ATP8A1: variants seen among roughly 807,000 people sequenced by gnomAD.
ATP8A1 encodes the protein phospholipid-transporting ATPase IA.
In ATP8A1, 90 loss-of-function variants were observed where a neutral mutation model predicts 177.7. The ratio of observed to expected loss-of-function variants is 0.51; its 90% confidence interval spans 0.43 to 0.60. The LOEUF (loss-of-function observed/expected upper bound fraction) is 0.60, where lower values mean the gene tolerates loss of function less well. Among genes scored for constraint, ATP8A1 ranks in the 20% least tolerant of loss-of-function variants. The pLI, the probability that ATP8A1 is intolerant of heterozygous loss-of-function variation, is 0.00. For synonymous variants in ATP8A1, 493 were observed against 485.9 expected (o/e 1.01, Z -0.19); for missense variants, 1,072 against 1,392.8 (o/e 0.77, Z 3.67).
At chr4:42,652,638 T>C (rs1182762144) in intron 1 of ATP8A1, among the ~76,000 whole-genome samples, 3 of 152,152 alleles carry the variant, frequency 2.0e-5, no homozygotes, top group South Asian at 2.1e-4. Flanking sequence ...TCCCCAAGTG[T>C]TGTGGAAGAG....
chr4:42,656,373 C>G (rs1741619144), intron 1 of ATP8A1, among the ~76,000 whole-genome samples: 1 of 152,190 alleles, frequency 6.6e-6, no homozygotes, highest in Non-Finnish European at 1.5e-5. Context: ...CCCCGCGCTT[C>G]GAGAGCCAAG....
At position 42,516,646 on chromosome 4, in the gene ATP8A1, A is replaced by T. The variant is rs527804560; in HGVS notation, c.1947+5514T>A. ...AATAAATATTAAACATTTTCAAAAA[A>T]TTATGTATTCCACGAAGGCACGCCT... On this transcript the variant is annotated intron_variant, in intron 22 of 36. Coordinates refer to ENST00000381668, the MANE Select transcript of ATP8A1 (RefSeq NM_006095.2). Among the ~76,000 whole-genome samples, 60 of 152,360 alleles carry T rather than the reference A, an allele frequency of 3.9e-4. 1 individual carries two copies. The highest frequency in any genetic ancestry group is 3.4e-3 in the Middle Eastern group (1 of 294).
intron 27 of ATP8A1, among the ~76,000 whole-genome samples, chr4:42,456,622 T>C (rs6849797): frequency 0.47 from 71,716 of 152,000 alleles, 19,189 homozygotes; most frequent in East Asian, 0.82. Flanking sequence ...TACGTTATTG[T>C]TTTTAAAAAG....
At chr4:42,581,860 T>A in intron 9 of ATP8A1, 128 bp from the exon 10 acceptor site, 1 of 671,750 alleles carries the variant, frequency 1.5e-6, no homozygotes, top group Non-Finnish European at 2.5e-6. Flanking sequence ...GGAAAGTAAT[T>A]TCCCCCCAGT....
chr4:42,542,578 T>C (rs372075243), intron 20 of ATP8A1, among the ~76,000 whole-genome samples: 1 of 152,196 alleles, frequency 6.6e-6, no homozygotes, highest in African/African-American at 2.4e-5. Context: ...TTTCTCCTAA[T>C]GCTATCCCTC....
Position 42,417,766 on chromosome 4 carries a change from G to A in ATP8A1, c.3306-3048C>T, listed in dbSNP as rs552134848. Among the ~76,000 whole-genome samples, 16 of 152,254 alleles carry A rather than the reference G, an allele frequency of 1.1e-4. No individual in the cohort carries two copies. The East Asian group carries it at 2.5e-3, about 24-fold the overall frequency. On this transcript the variant is annotated intron_variant, in intron 35 of 36. Coordinates refer to ENST00000381668, the MANE Select transcript of ATP8A1 (RefSeq NM_006095.2). ...ATTAAAATAAATCTCCAAAAAGTACGTAACTATCCATTCATGGAATGTTTA... is the reference window on the plus strand; with the variant it reads ...ATTAAAATAAATCTCCAAAAAGTACATAACTATCCATTCATGGAATGTTTA...
At chr4:42,624,680 A>C (rs769910127) in intron 3 of ATP8A1, 46 bp from the exon 4 acceptor site, 3 of 1,057,906 alleles carry the variant, frequency 2.8e-6, no homozygotes, top group Middle Eastern at 2.4e-4. Context: ...AGAACTAGAA[A>C]ATTTATAATA....
chr4:42,459,536 G>A, intron 27 of ATP8A1: 1 of 347,400 alleles, frequency 2.9e-6, no homozygotes, highest in Non-Finnish European at 5.7e-6. Context: ...CAGTGTTCTG[G>A]AATGAGAAGA....
At chr4:42,436,198 C>G (rs1055100205) in intron 33 of ATP8A1, among the ~76,000 whole-genome samples, 8 of 152,172 alleles carry the variant, frequency 5.3e-5, no homozygotes, top group Non-Finnish European at 1.2e-4. Context: ...ACCATGGCCT[C>G]TCTCTCGTTT....
Position 42,579,901 on chromosome 4 carries a change from G to A in ATP8A1, c.912C>T (p.Ile304=), listed in dbSNP as rs1477955709. ...TNVQILILFC[I]LIAMSLVCSV... ...AACAGACAAGAGACATGGCAATTAAGATACAAAATAAAATCAAAATTTGTA... is the reference window on the plus strand; with the variant it reads ...AACAGACAAGAGACATGGCAATTAAAATACAAAATAAAATCAAAATTTGTA... Residue 304 remains isoleucine (I), a synonymous_variant, in exon 11 of 37, where the codon ATC becomes ATT. Transcript: ENST00000381668. 5 of 1,613,370 alleles carry A rather than the reference G, an allele frequency of 3.1e-6. No homozygotes were observed. The African/African-American group carries it at 5.3e-5, about 17-fold the overall frequency.
chr4:42,610,770 G>C (rs1203651102), intron 5 of ATP8A1, among the ~76,000 whole-genome samples: 1 of 152,006 alleles, frequency 6.6e-6, no homozygotes, highest in Non-Finnish European at 1.5e-5. Context: ...AAATTACTTA[G>C]GCCATAAATA....
chr4:42,448,702 A>AGTAGTTTCTCAAAGTGGTAGAG (rs1466806762), intron 30 of ATP8A1, among the ~76,000 whole-genome samples: 6 of 150,282 alleles, frequency 4.0e-5, no homozygotes, highest in African/African-American at 9.8e-5. Context: ...CTGGCCAACA[A>AGTAGTTTCTCAAAGTGGTAGAG]GTAGTTTCTC....
At chr4:42,530,483 A>T (rs1424875877) in intron 20 of ATP8A1, among the ~76,000 whole-genome samples, 4 of 152,224 alleles carry the variant, frequency 2.6e-5, no homozygotes, top group African/African-American at 9.6e-5. Flanking sequence ...ACTGCCTCTG[A>T]CCAAGGCACT....
intron 22 of ATP8A1, among the ~76,000 whole-genome samples, chr4:42,508,972 G>C (rs1724721724): frequency 6.6e-6 from 1 of 152,194 alleles, no homozygotes. Context: ...ATACAAACAT[G>C]CAAGTGAGAG....
rs1026509306 is a variant in ATP8A1, at chr4:42,410,303, C to T, written c.*2613G>A. 1 of 152,060 alleles carries T rather than the reference C, an allele frequency of 6.6e-6. No homozygotes were observed. The highest frequency in any genetic ancestry group is 1.5e-5 in the Non-Finnish European group (1 of 68,000). 9.4% of individuals were successfully genotyped at this position (152,060 alleles called of 1,614,324 possible). ...TGAATGAGGATTTTCTATTATAAGT[C>T]GTATTGTCTGAATTGTAAACATTGT... On this transcript the variant is annotated 3_prime_UTR_variant, in exon 37 of 37. Coordinates refer to ENST00000381668, the MANE Select transcript of ATP8A1 (RefSeq NM_006095.2).
chr4:42,601,028 A>ATTT (rs1389171021), intron 5 of ATP8A1, among the ~76,000 whole-genome samples: 2 of 78,624 alleles, frequency 2.5e-5, no homozygotes, highest in African/African-American at 8.3e-5. Flanking sequence ...AACAACCCAA[A>ATTT]TTTTCTTTTT....
At chr4:42,650,978 C>T (rs1399997765) in intron 1 of ATP8A1, among the ~76,000 whole-genome samples, 1 of 152,176 alleles carries the variant, frequency 6.6e-6, no homozygotes, top group African/African-American at 2.4e-5. Context: ...TCTCACATGT[C>T]GTAGAGGAAC....
intron 27 of ATP8A1, among the ~76,000 whole-genome samples, chr4:42,462,501 A>G (rs1719283296): frequency 6.6e-6 from 1 of 152,236 alleles, no homozygotes; most frequent in Non-Finnish European, 1.5e-5. Flanking sequence ...AGAGTGCACA[A>G]AAGTCAAGAA....
rs1732366479 is a variant in ATP8A1 at position 42,575,631 on chromosome 4, T to A, written c.1197A>T (p.Glu399Asp). The change falls in exon 13 of 37, where the codon GAA becomes GAT. Residue 399 changes from glutamate to aspartate, a missense_variant. Glu to Asp is a conservative substitution (Grantham distance 45). Coordinates refer to ENST00000381668, the MANE Select transcript of ATP8A1 (RefSeq NM_006095.2). ...AATAAATTGAGTTTACCTGGCCAAG[T>A]TCCTCATTCAGATTAGATGTTCGAG... is the stretch of plus-strand genomic sequence containing the variant. Reference protein sequence around the residue: ...AMARTSNLNEELGQVKYIFSD... With the variant: ...AMARTSNLNEDLGQVKYIFSD... The A allele has an allele frequency of 6.2e-7, 1 of 1,613,336 alleles. No individual in the cohort carries two copies. Among genetic ancestry groups the A allele is most frequent in the Non-Finnish European group, 8.5e-7 (1 of 1,179,472 alleles).
Sources: gnomAD v4.1 joint callset for allele counts (sites outside exome capture counted in the v4.1 genomes callset) on GRCh38, gnomAD v4.1.1 for gene constraint, MANE v1.5 for transcripts, NCBI Gene and HGNC (gene_info 2026-07-23, HGNC 2026-07-21) for gene names.